Variants in ASB7 observed in about 807,000 individuals in gnomAD.
ASB7 encodes the protein ankyrin repeat and SOCS box protein 7.
ASB7 carries 4 observed loss-of-function variants against 32.5 expected under a neutral mutation model. The observed-to-expected ratio is 0.12, with a 90% CI of 0.06 to 0.28. The LOEUF (loss-of-function observed/expected upper bound fraction) is 0.28. Among genes scored for constraint, ASB7 ranks in the 10% least tolerant of loss-of-function variants. ASB7 has a pLI of 1.00. For synonymous variants in ASB7, 172 were observed against 155.6 expected, an observed-to-expected ratio of 1.11 and a Z score of -0.78; for missense variants, 181 against 407.1, an observed-to-expected ratio of 0.44 and a Z score of 4.78.
intron 5 of ASB7, among the ~76,000 whole-genome samples, chr15:100,639,758 A>C (rs1023181394): frequency 6.6e-6 from 1 of 152,236 alleles, no homozygotes; most frequent in African/African-American, 2.4e-5. Flanking sequence ...TAAATAGTAC[A>C]CAATTTTTGG....
At position 100,651,124 on chromosome 15, in the gene ASB7, A is replaced by G. The variant is rs1276430375; in HGVS notation, c.*2662A>G. On this transcript the variant is annotated 3_prime_UTR_variant, in exon 6 of 6. Transcript: ENST00000332783. Reference sequence around the variant, plus strand: ...TAAAAATATATTTGGCAAATACACCAAAGAAACCAGCTTACAAAAGATTAT... The same window carrying G: ...TAAAAATATATTTGGCAAATACACCGAAGAAACCAGCTTACAAAAGATTAT... The G allele has an allele frequency of 6.6e-6, 1 of 152,204 alleles. No homozygotes were observed. Among genetic ancestry groups the G allele is most frequent in the East Asian group, 1.9e-4 (1 of 5,204 alleles). 9.4% of individuals were successfully genotyped at this position (152,204 alleles called of 1,614,324 possible).
At chr15:100,627,424 A>G (rs940999543) in intron 4 of ASB7, among the ~76,000 whole-genome samples, 5 of 152,208 alleles carry the variant, frequency 3.3e-5, no homozygotes, top group Admixed American at 2.6e-4. Flanking sequence ...TTATGTTGCT[A>G]TTACAAATGA....
chr15:100,647,368 ACATGT>A (rs1244193805), intron 5 of ASB7, among the ~76,000 whole-genome samples: 1 of 152,254 alleles, frequency 6.6e-6, no homozygotes. Context: ...AGGAGTTAAT[ACATGT>A]CATGAGCTCT....
chr15:100,622,439 A>G (rs988472131), intron 4 of ASB7, among the ~76,000 whole-genome samples: 6 of 152,196 alleles, frequency 3.9e-5, no homozygotes, highest in African/African-American at 1.2e-4. Context: ...TCAGTTTTTC[A>G]AAGTTAGAAA....
chr15:100,625,862 C>T (rs546054695), intron 4 of ASB7, among the ~76,000 whole-genome samples: 9 of 152,098 alleles, frequency 5.9e-5, no homozygotes, highest in Non-Finnish European at 8.8e-5. Flanking sequence ...AGAAATAGAG[C>T]GACACTTTTA....
At chr15:100,633,033 G>A (rs1050458961) in intron 5 of ASB7, among the ~76,000 whole-genome samples, 5 of 151,924 alleles carry the variant, frequency 3.3e-5, no homozygotes, top group South Asian at 2.1e-4. Context: ...GACGTCAGGA[G>A]CGCAGCAGGG....
intron 4 of ASB7, among the ~76,000 whole-genome samples, chr15:100,616,706 A>AAGGTAT (rs1567112923): frequency 1.3e-5 from 2 of 152,208 alleles, no homozygotes; most frequent in Non-Finnish European, 2.9e-5. Context: ...TTTACCTGAT[A>AAGGTAT]CCCTTTCCCT....
intron 4 of ASB7, among the ~76,000 whole-genome samples, chr15:100,625,794 G>A (rs1054117881): frequency 2.6e-5 from 4 of 152,188 alleles, no homozygotes; most frequent in Non-Finnish European, 5.9e-5. Flanking sequence ...CAGTAGTCAA[G>A]ACAGTGTGGG....
chr15:100,633,242 TTAAAG>T (rs1228837606), intron 5 of ASB7, among the ~76,000 whole-genome samples: 4 of 150,550 alleles, frequency 2.7e-5, no homozygotes, highest in African/African-American at 9.8e-5. Context: ...AATGAATAAA[TTAAAG>T]AGAGAACAGT....
At chr15:100,630,306 AT>A in intron 5 of ASB7, 63 of 712,012 alleles carry the variant, frequency 8.8e-5, no homozygotes, top group East Asian at 1.8e-4. Flanking sequence ...AGAGAGGAGA[AT>A]TTTTTTTAAA....
intron 4 of ASB7, among the ~76,000 whole-genome samples, chr15:100,625,662 T>C (rs189596050): frequency 6.6e-6 from 1 of 152,288 alleles, no homozygotes; most frequent in East Asian, 1.9e-4. Context: ...CTAATCAGAA[T>C]TCCAGCAGGC....
In ASB7 at chr15:100,603,231, G is replaced by A. The variant is rs12910252; in HGVS notation, c.-256G>A. 2.7e-6 allele frequency: 1 copy of A among 377,014 alleles called. No homozygotes were observed. The highest frequency in any genetic ancestry group is 2.1e-5 in the African/African-American group (1 of 47,838). The allele number at this position is 377,014 out of a possible 1,614,324, so 23.4% of individuals were successfully genotyped here. On this transcript the variant is annotated 5_prime_UTR_variant, in exon 2 of 6. Transcript: ENST00000332783. ...TTTTTCTAGGTTTGAGCTGGCTGAAGAAGACGCGAAAGCAGGAAGAGGTCT... is the reference window on the plus strand; with the variant it reads ...TTTTTCTAGGTTTGAGCTGGCTGAAAAAGACGCGAAAGCAGGAAGAGGTCT...
intron 4 of ASB7, among the ~76,000 whole-genome samples, chr15:100,621,266 A>G (rs1297654382): frequency 6.6e-6 from 1 of 152,340 alleles, no homozygotes; most frequent in South Asian, 2.1e-4. Context: ...CAGAGGAATC[A>G]GTCTTAAAAG....
intron 4 of ASB7, among the ~76,000 whole-genome samples, chr15:100,618,076 G>A (rs1597001442): frequency 6.6e-6 from 1 of 151,936 alleles, no homozygotes; most frequent in Admixed American, 6.6e-5. Context: ...CACCTCAGCC[G>A]TACCTGTTAC....
At chr15:100,611,555 A>C (rs11247228) in intron 3 of ASB7, among the ~76,000 whole-genome samples, 137,453 of 143,392 alleles carry the variant, frequency 0.96, 66,176 homozygotes, top group East Asian at 1. Flanking sequence ...TCTCAGCTCA[A>C]TGAAACCTCC....
intron 3 of ASB7, 64 bp from the exon 4 acceptor site, chr15:100,612,102 A>C: frequency 2.4e-6 from 2 of 840,336 alleles, no homozygotes; most frequent in Non-Finnish European, 1.9e-6. Context: ...TGTGATATTT[A>C]ATAGATGCAG....
chr15:100,645,827 C>T lies in ASB7; in HGVS notation c.818-2496C>T, dbSNP rs1178380604. The T allele has an allele frequency of 3.2e-6, 4 of 1,249,444 alleles. No individual in the cohort carries two copies. In the African/African-American group the frequency reaches 4.4e-5, roughly 14 times the overall value. 77.4% of individuals were successfully genotyped at this position (1,249,444 alleles called of 1,614,324 possible). A position where few individuals can be genotyped will look rare whatever the true frequency, so the allele number is the denominator to read the frequency against. ...GACTTAAGATTGCCAAACGCGACAT[C>T]CCACACGCTAATTTCATGGTCCCAA... On this transcript the variant is annotated intron_variant, in intron 5 of 5. Coordinates refer to ENST00000332783, the MANE Select transcript of ASB7 (RefSeq NM_198243.3).
At chr15:100,639,220 AAGAC>A (rs1363746211) in intron 5 of ASB7, among the ~76,000 whole-genome samples, 7 of 152,226 alleles carry the variant, frequency 4.6e-5, no homozygotes, top group Admixed American at 2.0e-4. Context: ...GGTTTTGCAG[AAGAC>A]AGTCTGTCAG....
At chr15:100,630,345 C>T (rs2039874551) in intron 5 of ASB7, 1 of 357,804 alleles carries the variant, frequency 2.8e-6, no homozygotes, top group South Asian at 8.1e-5. Flanking sequence ...TAGAACAAGG[C>T]AATTCCTGTT....
Sources: allele counts gnomAD v4.1 joint callset (sites outside exome capture counted in the v4.1 genomes callset), GRCh38; gene constraint gnomAD v4.1.1; transcripts MANE v1.5; gene names NCBI Gene and HGNC (gene_info 2026-07-23, HGNC 2026-07-21).